FRMD3: variants seen among roughly 807,000 people sequenced by gnomAD.
The protein encoded by FRMD3 is FERM domain containing 3.
In FRMD3, 33 loss-of-function variants were observed where a neutral mutation model predicts 70.2. That is an observed-to-expected ratio of 0.47 (90% CI 0.36 to 0.63). The LOEUF is 0.63. Among genes scored for constraint, FRMD3 ranks in the 20% least tolerant of loss-of-function variants. The pLI, the probability that FRMD3 is intolerant of heterozygous loss-of-function variation, is 0.00. For synonymous variants in FRMD3, 279 were observed against 255.9 expected (o/e 1.09, Z -0.86); for missense variants, 632 against 711.4 (o/e 0.89, Z 1.27).
At chr9:83,262,824 G>T (rs1833050338) in intron 13 of FRMD3, among the ~76,000 whole-genome samples, 1 of 152,084 alleles carries the variant, frequency 6.6e-6, no homozygotes, top group Admixed American at 6.6e-5. Context: ...CCCACTCCCG[G>T]ACTGAGATAT....
Position 83,245,347 on chromosome 9 carries a change from A to ACC in FRMD3, c.*2570_*2571insGG, listed in dbSNP as rs1195051943. ...AGGCAACTGGTGACTATCTTCTAAC[A>ACC]AAACTTAAATGGATGTTTCTAAAAG... On this transcript the variant is annotated 3_prime_UTR_variant, in exon 14 of 14. Transcript: ENST00000304195. 11 of 985,332 alleles carry ACC rather than the reference A, an allele frequency of 1.1e-5. No individual in the cohort carries two copies. Among genetic ancestry groups the ACC allele is most frequent in the Non-Finnish European group, 6.0e-6 (5 of 829,928 alleles). The allele number at this position is 985,332 out of a possible 1,614,324, so 61.0% of individuals were successfully genotyped here. A position where few individuals can be genotyped will look rare whatever the true frequency, so the allele number is the denominator to read the frequency against.
the FRMD3 span, among the ~76,000 whole-genome samples, chr9:83,582,921 G>A: frequency 6.6e-6 from 1 of 152,144 alleles, no homozygotes; most frequent in African/African-American, 2.4e-5. Context: ...AAGAGACGTT[G>A]CAATTTGGGA....
At chr9:83,286,623 C>T (rs1473978925) in intron 13 of FRMD3, among the ~76,000 whole-genome samples, 2 of 152,152 alleles carry the variant, frequency 1.3e-5, no homozygotes, top group African/African-American at 2.4e-5. Flanking sequence ...TGAGCCACTG[C>T]GCCCAGCCAT....
At chr9:83,387,484 T>C (rs2131292359) in intron 2 of FRMD3, among the ~76,000 whole-genome samples, 1 of 152,302 alleles carries the variant, frequency 6.6e-6, no homozygotes, top group Non-Finnish European at 1.5e-5. Context: ...ACACTCATGG[T>C]ACATGATAGA....
chr9:83,551,677 T>C, the FRMD3 span, among the ~76,000 whole-genome samples: 2 of 152,290 alleles, frequency 1.3e-5, no homozygotes, highest in South Asian at 2.1e-4. Context: ...ATTCAGGGAA[T>C]CAATTTCTTC....
At chr9:83,384,147 G>C (rs1825442031) in intron 2 of FRMD3, among the ~76,000 whole-genome samples, 1 of 152,162 alleles carries the variant, frequency 6.6e-6, no homozygotes, top group African/African-American at 2.4e-5. Context: ...CACACACACA[G>C]ACACCCAAGA....
chr9:83,352,794 G>A (rs993930423), intron 3 of FRMD3, among the ~76,000 whole-genome samples: 1 of 152,094 alleles, frequency 6.6e-6, no homozygotes, highest in Non-Finnish European at 1.5e-5. Context: ...GGACATAATC[G>A]TCGTCTCCTG....
At chr9:83,576,975 G>C in the FRMD3 span, among the ~76,000 whole-genome samples, 9 of 152,018 alleles carry the variant, frequency 5.9e-5, no homozygotes, top group African/African-American at 1.7e-4. Context: ...AAACATTTAA[G>C]AACACAGTTT....
chr9:83,320,784 T>A (rs1259757048), intron 6 of FRMD3, among the ~76,000 whole-genome samples: 1 of 152,192 alleles, frequency 6.6e-6, no homozygotes, highest in Non-Finnish European at 1.5e-5. Flanking sequence ...AGAATTCAGC[T>A]GTGAATCCAT....
At chr9:83,466,067 C>G (rs1828118673) in intron 1 of FRMD3, among the ~76,000 whole-genome samples, 1 of 152,128 alleles carries the variant, frequency 6.6e-6, no homozygotes, top group Non-Finnish European at 1.5e-5. Context: ...ATCAATACCC[C>G]ATAACAACAT....
At chr9:83,547,061 G>C in the FRMD3 span, among the ~76,000 whole-genome samples, 2 of 151,400 alleles carry the variant, frequency 1.3e-5, no homozygotes, top group Non-Finnish European at 2.9e-5. Flanking sequence ...GACTGGGATA[G>C]CTATACTTAT....
intron 3 of FRMD3, among the ~76,000 whole-genome samples, chr9:83,355,805 C>A (rs956989746): frequency 6.6e-6 from 1 of 152,138 alleles, no homozygotes; most frequent in South Asian, 2.1e-4. Context: ...ATTAACTCAG[C>A]CATGTAAGTG....
intron 13 of FRMD3, among the ~76,000 whole-genome samples, chr9:83,249,534 A>AT (rs1248428526): frequency 6.6e-6 from 1 of 152,222 alleles, no homozygotes; most frequent in Non-Finnish European, 1.5e-5. Context: ...CTATTATGTG[A>AT]TTTTTCTCTC....
chr9:83,465,109 C>T (rs1390045407), intron 1 of FRMD3, among the ~76,000 whole-genome samples: 12 of 151,964 alleles, frequency 7.9e-5, no homozygotes, highest in Admixed American at 7.9e-4. Context: ...ATCTTTTAAG[C>T]TGAACTGGCC....
intron 1 of FRMD3, among the ~76,000 whole-genome samples, chr9:83,422,216 C>A (rs1289188711): frequency 3.3e-5 from 1 of 30,016 alleles, no homozygotes; most frequent in Non-Finnish European, 5.6e-5. Context: ...CAGAGTGAGA[C>A]TGTCTCAAAA....
At chr9:83,485,261 T>C (rs1001567896) in intron 1 of FRMD3, among the ~76,000 whole-genome samples, 1 of 152,214 alleles carries the variant, frequency 6.6e-6, no homozygotes, top group African/African-American at 2.4e-5. Flanking sequence ...CCTTCAGTAA[T>C]TTGATGTGGA....
chr9:83,581,133 C>T, the FRMD3 span, among the ~76,000 whole-genome samples: 3 of 151,750 alleles, frequency 2.0e-5, no homozygotes, highest in African/African-American at 4.8e-5. Flanking sequence ...TTTTAAAATG[C>T]TAAAACAATT....
intron 1 of FRMD3, among the ~76,000 whole-genome samples, chr9:83,402,166 G>T (rs79609428): frequency 0.013 from 2,028 of 150,800 alleles, 37 homozygotes; most frequent in African/African-American, 0.047. Flanking sequence ...GAAAAATACA[G>T]CAACAGTCAA....
rs1314904577 is a variant in FRMD3, at chr9:83,335,576, A to G, written c.536T>C (p.Phe179Ser). The change falls in exon 6 of 14, where the codon TTC becomes TCC. Residue 179 changes from phenylalanine (F) to serine (S), a missense_variant. This residue lies in a region of FRMD3 where 208 missense variants were observed against 247.7 expected (regional missense o/e 0.84). Transcript: ENST00000304195. ...PENYISEFEIFPKQSQKLERK... is the reference protein window; with the variant it reads ...PENYISEFEISPKQSQKLERK... ...TTCCAGCTTCTGTGACTGCTTGGGG[A>G]AAATCTCAAACTCACTGATGTAATT... is the stretch of plus-strand genomic sequence containing the variant. The G allele has an allele frequency of 6.2e-7, 1 of 1,613,238 alleles. No homozygotes were observed. The highest frequency in any genetic ancestry group is 1.1e-5 in the South Asian group (1 of 91,016).
Sources: gnomAD v4.1 joint callset for allele counts (sites outside exome capture counted in the v4.1 genomes callset) on GRCh38, gnomAD v4.1.1 for gene constraint, gnomAD v4.1.1 regional missense constraint, MANE v1.5 for transcripts, NCBI Gene and HGNC (gene_info 2026-07-23, HGNC 2026-07-21) for gene names.